Variants in TMEM132B observed in about 807,000 individuals in gnomAD.
TMEM132B encodes the protein transmembrane protein 132B.
In TMEM132B, 18 loss-of-function variants were observed where a neutral mutation model predicts 90.8. The ratio of observed to expected loss-of-function variants is 0.20; its 90% CI spans 0.14 to 0.29. TMEM132B has a LOEUF of 0.29. TMEM132B is among the 10% of genes least tolerant of loss of function. The probability of loss-of-function intolerance (pLI) is 1.00; values close to 1 mark genes in which losing one functional copy is unlikely to be tolerated. For synonymous variants in TMEM132B, 504 were observed against 523.3 expected (o/e 0.96, Z 0.50); for missense variants, 1,096 against 1,326.8 (o/e 0.83, Z 2.70).
chr12:125,598,541 C>T (rs945392606), intron 5 of TMEM132B, among the ~76,000 whole-genome samples: 6 of 152,058 alleles, frequency 3.9e-5, no homozygotes, highest in Non-Finnish European at 8.8e-5. Flanking sequence ...CTAATAGCCC[C>T]AAGAGTGCCA....
In TMEM132B at chr12:125,407,519, C is replaced by T. The variant is rs1188160040; in HGVS notation, c.960-8012C>T. ...GAGAAGGTGTGACCCCGTGCCCTGT[C>T]TGTCTGTCCCTGCTGGGTAGAGGCT... On this transcript the variant is annotated intron_variant, in intron 2 of 8. Coordinates refer to ENST00000682704, the MANE Select transcript of TMEM132B (RefSeq NM_001366854.1). The surrounding 1 kb of genome is among the most constrained non-coding windows in gnomAD (Gnocchi z 6.7). Among the ~76,000 whole-genome samples, 1 of 152,210 alleles carries T rather than the reference C, an allele frequency of 6.6e-6. No homozygotes were observed. Among genetic ancestry groups the T allele is most frequent in the East Asian group, 1.9e-4 (1 of 5,190 alleles).
intron 1 of TMEM132B, among the ~76,000 whole-genome samples, chr12:125,219,282 C>T (rs539370174): frequency 1.3e-4 from 20 of 152,232 alleles, no homozygotes; most frequent in Non-Finnish European, 2.4e-4. Context: ...TCGAGATGGT[C>T]TCTGCAGAAT....
rs576581788 is a variant in TMEM132B, at chr12:125,553,636, A to G, written c.1294-30215A>G. ...ATCCCAGAAGCTATGATGAGTTTAC[A>G]TAGTGCATGAGCTTTGTGTTAAATG... On this transcript the variant is annotated intron_variant, in intron 4 of 8. Transcript: ENST00000682704. Among the ~76,000 whole-genome samples, 35 of 152,340 alleles carry G rather than the reference A, an allele frequency of 2.3e-4. 1 individual carries two copies. The South Asian group carries it at 7.1e-3, about 31-fold the overall frequency.
intron 6 of TMEM132B, among the ~76,000 whole-genome samples, chr12:125,649,242 C>T (rs1178685185): frequency 6.6e-6 from 1 of 152,182 alleles, no homozygotes; most frequent in African/African-American, 2.4e-5. Flanking sequence ...AGGTGGGTTT[C>T]AGAAGTCAAA....
chr12:125,477,587 A>C (rs1031157257), intron 3 of TMEM132B, among the ~76,000 whole-genome samples: 3 of 151,660 alleles, frequency 2.0e-5, no homozygotes, highest in African/African-American at 4.9e-5. Flanking sequence ...AGACTCTTAC[A>C]TTTTTTTCAA....
Position 125,408,703 on chromosome 12 carries a change from C to T in TMEM132B, c.960-6828C>T, listed in dbSNP as rs1377745524. Among the ~76,000 whole-genome samples, 1 of 152,128 alleles carries T rather than the reference C, an allele frequency of 6.6e-6. No homozygotes were observed. The highest frequency in any genetic ancestry group is 1.5e-5 in the Non-Finnish European group (1 of 68,042). On this transcript the variant is annotated intron_variant, in intron 2 of 8. Coordinates refer to ENST00000682704, the MANE Select transcript of TMEM132B (RefSeq NM_001366854.1). This position sits in a 1 kb window ranked among gnomAD's most constrained non-coding sequence, Gnocchi z 5.9. ...CTTCTTGTATGTGTGTCTTGGGGAA[C>T]AGGTGCATGTGTTTCTGTTGGGCAT...
At chr12:125,456,113 T>A (rs564733291) in intron 3 of TMEM132B, among the ~76,000 whole-genome samples, 1 of 152,314 alleles carries the variant, frequency 6.6e-6, no homozygotes, top group South Asian at 2.1e-4. Flanking sequence ...TTTGTGACCC[T>A]TAGAGTGGAG....
intron 4 of TMEM132B, among the ~76,000 whole-genome samples, chr12:125,531,157 A>G (rs796386525): frequency 1.3e-4 from 20 of 151,816 alleles, no homozygotes; most frequent in African/African-American, 4.8e-4. Context: ...ATGTTATTTT[A>G]TTTTTTCTTT....
chr12:125,646,419 G>A (rs1306003121), intron 6 of TMEM132B, among the ~76,000 whole-genome samples: 3 of 152,242 alleles, frequency 2.0e-5, no homozygotes, highest in Non-Finnish European at 4.4e-5. Context: ...TCAGAAAAGT[G>A]TGCTTTAAAC....
intron 3 of TMEM132B, among the ~76,000 whole-genome samples, chr12:125,488,483 TTCCTATGCTGTTCTCG>T (rs1364022593): frequency 6.6e-6 from 1 of 152,162 alleles, no homozygotes; most frequent in African/African-American, 2.4e-5. Flanking sequence ...GGGCGGGTCT[TTCCTATGCTGTTCTCG>T]TGATAGTGAA....
intron 1 of TMEM132B, among the ~76,000 whole-genome samples, chr12:125,195,852 A>G (rs1872912683): frequency 6.6e-6 from 1 of 152,182 alleles, no homozygotes; most frequent in African/African-American, 2.4e-5. Context: ...TGTGCTTGGC[A>G]GGGTCGAGGG....
intron 3 of TMEM132B, among the ~76,000 whole-genome samples, chr12:125,493,362 C>A (rs145582110): frequency 2.0e-4 from 30 of 152,138 alleles, no homozygotes; most frequent in Non-Finnish European, 2.8e-4. Flanking sequence ...CCAACCCTAA[C>A]GAGAAACACA....
At chr12:125,198,040 GATTTT>G (rs1473295276) in intron 1 of TMEM132B, among the ~76,000 whole-genome samples, 1 of 152,182 alleles carries the variant, frequency 6.6e-6, no homozygotes, top group Non-Finnish European at 1.5e-5. Flanking sequence ...ACTGATCAGT[GATTTT>G]ATACTCAGTG....
intron 2 of TMEM132B, among the ~76,000 whole-genome samples, chr12:125,359,467 C>A (rs922818441): frequency 6.6e-6 from 1 of 151,714 alleles, no homozygotes; most frequent in African/African-American, 2.4e-5. Context: ...CAAAAAAACC[C>A]CAGATCATAT....
chr12:125,555,430 A>G (rs1396512118), intron 4 of TMEM132B, among the ~76,000 whole-genome samples: 2 of 151,818 alleles, frequency 1.3e-5, no homozygotes, highest in Non-Finnish European at 2.9e-5. Context: ...TGGAAAAAAA[A>G]AAGAGTGCAT....
At chr12:125,619,178 G>A (rs11612014) in intron 5 of TMEM132B, among the ~76,000 whole-genome samples, 26,481 of 152,012 alleles carry the variant, frequency 0.17, 2,533 homozygotes, top group African/African-American at 0.23. Flanking sequence ...AAAGGGAGCA[G>A]CACTTGGATT....
chr12:125,543,920 T>C (rs1023782907), intron 4 of TMEM132B, among the ~76,000 whole-genome samples: 2 of 150,750 alleles, frequency 1.3e-5, no homozygotes, highest in Non-Finnish European at 3.0e-5. Flanking sequence ...GCAGCACTAT[T>C]TGCAATAGCA....
At chr12:125,431,729 G>T (rs953011102) in intron 3 of TMEM132B, among the ~76,000 whole-genome samples, 6 of 152,310 alleles carry the variant, frequency 3.9e-5, no homozygotes, top group African/African-American at 1.4e-4. Flanking sequence ...GTGCTCCCAG[G>T]TATGTGGAGG....
intron 1 of TMEM132B, among the ~76,000 whole-genome samples, chr12:125,316,442 A>C (rs1050382575): frequency 1.3e-5 from 2 of 152,120 alleles, no homozygotes; most frequent in Non-Finnish European, 2.9e-5. Flanking sequence ...TCCTCAATAC[A>C]TCAAGCTAAA....
Sources: allele counts gnomAD v4.1 joint callset (sites outside exome capture counted in the v4.1 genomes callset), GRCh38; gene constraint gnomAD v4.1.1; non-coding constraint Gnocchi (gnomAD v3.1); transcripts MANE v1.5; gene names NCBI Gene and HGNC (gene_info 2026-07-23, HGNC 2026-07-21).